GBE1: variants seen among roughly 807,000 people sequenced by gnomAD.
GBE1 encodes 1,4-alpha-glucan branching enzyme 1, also known as 1,4-alpha-glucan-branching enzyme.
A neutral mutation model predicts 88.8 loss-of-function variants in GBE1; 70 were observed. The observed-to-expected ratio is 0.79, with a 90% CI of 0.65 to 0.96. GBE1 has a LOEUF of 0.96. Ranked by LOEUF, GBE1 falls within the 40% of genes least tolerant of loss-of-function variation. GBE1 has a pLI of 0.00. For synonymous variants in GBE1, 284 were observed against 300.1 expected, an observed-to-expected ratio of 0.95 and a Z score of 0.56; for missense variants, 872 against 871.0, an observed-to-expected ratio of 1.00 and a Z score of -0.01.
chr3:81,709,550 T>C (rs1705825963), intron 1 of GBE1, among the ~76,000 whole-genome samples: 1 of 152,278 alleles, frequency 6.6e-6, no homozygotes, highest in South Asian at 2.1e-4. Context: ...GATAAACAAA[T>C]GTGGTAGTAA....
At chr3:81,615,912 T>C (rs946631278) in intron 7 of GBE1, among the ~76,000 whole-genome samples, 3 of 152,212 alleles carry the variant, frequency 2.0e-5, no homozygotes, top group Non-Finnish European at 4.4e-5. Flanking sequence ...TCCAGTCTTC[T>C]TGAATCCTCA....
intron 6 of GBE1, 61 bp downstream of exon 6, chr3:81,646,331 T>A: frequency 9.3e-7 from 1 of 1,077,202 alleles, no homozygotes; most frequent in Non-Finnish European, 1.4e-6. Context: ...AACAATTTCA[T>A]TTTGTTTCTT....
At chr3:81,599,817 A>C (rs1024736142) in intron 7 of GBE1, among the ~76,000 whole-genome samples, 1 of 152,254 alleles carries the variant, frequency 6.6e-6, no homozygotes, top group African/African-American at 2.4e-5. Flanking sequence ...TGACTTGAAC[A>C]TAGGTAATAT....
intron 8 of GBE1, 60 bp downstream of exon 8, chr3:81,593,848 A>G: frequency 1.3e-6 from 1 of 760,206 alleles, no homozygotes; most frequent in Non-Finnish European, 2.2e-6. Context: ...CCAAGACACC[A>G]GTAATGGCTA....
chr3:81,692,375 T>C (rs1470522142), intron 2 of GBE1, among the ~76,000 whole-genome samples: 1 of 152,216 alleles, frequency 6.6e-6, no homozygotes, highest in Non-Finnish European at 1.5e-5. Context: ...AATAACTTCA[T>C]GCTTCATATG....
At chr3:81,697,725 A>C (rs1412474338) in intron 2 of GBE1, among the ~76,000 whole-genome samples, 2 of 152,128 alleles carry the variant, frequency 1.3e-5, no homozygotes, top group African/African-American at 2.4e-5. Context: ...GGTATGAGGC[A>C]GGACCCTCTC....
At chr3:81,649,065 T>A in intron 4 of GBE1, 74 bp from the exon 5 acceptor site, 8 of 1,016,088 alleles carry the variant, frequency 7.9e-6, no homozygotes, top group Non-Finnish European at 9.8e-6. Flanking sequence ...AGTATATTTT[T>A]AAAAAGTGGT....
At chr3:81,511,770 C>G (rs992576429) in intron 14 of GBE1, among the ~76,000 whole-genome samples, 7 of 151,414 alleles carry the variant, frequency 4.6e-5, no homozygotes, top group African/African-American at 1.7e-4. Context: ...TGTAAAGCAG[C>G]TTGTAAATGT....
At chr3:81,555,184 TG>T (rs1431233132) in intron 12 of GBE1, among the ~76,000 whole-genome samples, 2 of 152,204 alleles carry the variant, frequency 1.3e-5, no homozygotes, top group Admixed American at 1.3e-4. Context: ...TTGAAAAATG[TG>T]ACTATAAAGT....
At chr3:81,679,244 A>G (rs1296424902) in intron 2 of GBE1, among the ~76,000 whole-genome samples, 2 of 152,230 alleles carry the variant, frequency 1.3e-5, no homozygotes, top group East Asian at 3.8e-4. Context: ...AAAAAGTGAT[A>G]TTATAAAGCA....
intron 2 of GBE1, among the ~76,000 whole-genome samples, chr3:81,677,149 C>T (rs1171676343): frequency 2.0e-5 from 3 of 152,088 alleles, no homozygotes; most frequent in Admixed American, 6.6e-5. Flanking sequence ...ATAAATTTTC[C>T]TTAAACATGG....
intron 11 of GBE1, among the ~76,000 whole-genome samples, chr3:81,579,754 G>A (rs1703695919): frequency 6.7e-6 from 1 of 150,190 alleles, no homozygotes; most frequent in Non-Finnish European, 1.5e-5. Flanking sequence ...CTGCTCTACA[G>A]ACAAGGATAA....
intron 12 of GBE1, among the ~76,000 whole-genome samples, chr3:81,557,102 C>T (rs932884137): frequency 1.3e-5 from 2 of 152,036 alleles, no homozygotes; most frequent in Admixed American, 1.3e-4. Flanking sequence ...AAAAATGATA[C>T]AGCCAGGAAG....
chr3:81,542,258 T>G (rs1703153214), intron 12 of GBE1, among the ~76,000 whole-genome samples: 1 of 152,080 alleles, frequency 6.6e-6, no homozygotes, highest in African/African-American at 2.4e-5. Flanking sequence ...GAAATTTTAT[T>G]TAACCAATCA....
chr3:81,738,536 T>TTA (rs199594692), intron 1 of GBE1, among the ~76,000 whole-genome samples: 4 of 150,682 alleles, frequency 2.7e-5, no homozygotes, highest in African/African-American at 9.8e-5. Context: ...GTTTTTTTTT[T>TTA]AAAAAAAAAG....
intron 1 of GBE1, among the ~76,000 whole-genome samples, chr3:81,756,278 T>C (rs146701769): frequency 2.6e-4 from 39 of 152,306 alleles, no homozygotes; most frequent in African/African-American, 8.9e-4. Context: ...CTTACCCAGA[T>C]TGTCACATGA....
chr3:81,726,782 A>G (rs944782849), intron 1 of GBE1, among the ~76,000 whole-genome samples: 1 of 152,060 alleles, frequency 6.6e-6, no homozygotes, highest in African/African-American at 2.4e-5. Flanking sequence ...AGATTCCACC[A>G]TACTGGCCAG....
At chr3:81,522,257 T>C (rs1254948763) in intron 14 of GBE1, among the ~76,000 whole-genome samples, 2 of 151,614 alleles carry the variant, frequency 1.3e-5, no homozygotes, top group South Asian at 2.1e-4. Context: ...ACAGAACTAA[T>C]GCGTTGATTT....
chr3:81,617,644 T>G (rs1704266490), intron 7 of GBE1, among the ~76,000 whole-genome samples: 1 of 151,994 alleles, frequency 6.6e-6, no homozygotes, highest in African/African-American at 2.4e-5. Flanking sequence ...AGAATTTTGC[T>G]CCTAATTCAC....
Sources: gnomAD v4.1 joint callset for allele counts (sites outside exome capture counted in the v4.1 genomes callset) on GRCh38, gnomAD v4.1.1 for gene constraint, MANE v1.5 for transcripts, NCBI Gene and HGNC (gene_info 2026-07-23, HGNC 2026-07-21) for gene names.